The following PIK3R2 variants were observed in gnomAD, a reference collection of about 807,000 sequenced individuals.
The protein encoded by PIK3R2 is phosphoinositide-3-kinase regulatory subunit 2, also known as phosphatidylinositol 3-kinase regulatory subunit beta.
Under a neutral mutation model 78.5 loss-of-function variants are expected in PIK3R2, and 40 were observed. The ratio of observed to expected loss-of-function variants is 0.51; its 90% confidence interval spans 0.40 to 0.66. The LOEUF (loss-of-function observed/expected upper bound fraction) is 0.66. Among genes scored for constraint, PIK3R2 ranks in the 30% least tolerant of loss-of-function variants. The pLI is 0.00. For synonymous variants in PIK3R2, 473 were observed against 457.7 expected (o/e 1.03, Z -0.43); for missense variants, 880 against 1,026.6 (o/e 0.86, Z 1.95).
In PIK3R2 at chr19:18,161,469, G is replaced by A. The variant is rs2043745556; in HGVS notation, c.789G>A (p.Ser263=). The part of the protein sequence containing the change: ...LLLRAPPPPS[S]PPPGGAPDGS... ...TGCGCGCGCCGCCGCCGCCGTCCTC[G>A]CCGCCGCCAGGGGGCGCTCCCGACG... Residue 263 remains serine (S), a synonymous_variant, in exon 6 of 16, where the codon TCG becomes TCA. Transcript: ENST00000222254. The surrounding 1 kb of genome is among the most constrained non-coding windows in gnomAD (Gnocchi z 5.3). The A allele has an allele frequency of 8.4e-7, 1 of 1,189,416 alleles. No homozygotes were observed. Among genetic ancestry groups the A allele is most frequent in the Non-Finnish European group, 1.0e-6 (1 of 960,850 alleles). The allele number at this position is 1,189,416 out of a possible 1,614,324, so 73.7% of individuals were successfully genotyped here. A position where few individuals can be genotyped will look rare whatever the true frequency, so the allele number is the denominator to read the frequency against.
Position 18,162,260 on chromosome 19 carries a change from G to C in PIK3R2, c.960G>C (p.Gly320=). ...CCTCCACAGTCCTGGCCAATGGAGG[G>C]AGCCCACCCTCCCTGCAGGATGCTG... ...KPASTVLANG[G]SPPSLQDAEW... is the part of the protein sequence containing the mutation. Residue 320 remains glycine, a synonymous_variant, in exon 8 of 16, where the codon GGG becomes GGC. Transcript: ENST00000222254. 2.5e-6 allele frequency: 4 copies of C among 1,611,776 alleles called. No homozygotes were observed. The highest frequency in any genetic ancestry group is 3.4e-6 in the Non-Finnish European group (4 of 1,178,270).
chr19:18,166,048 A>G (rs2043806424), intron 11 of PIK3R2, 112 bp from the exon 12 acceptor site: 4 of 1,369,074 alleles, frequency 2.9e-6, no homozygotes, highest in Non-Finnish European at 4.2e-6. Flanking sequence ...TGACACTCTG[A>G]TAGAGGGACC....
At chr19:18,160,413 G>A in intron 2 of PIK3R2, 58 bp from the exon 3 acceptor site, 1 of 1,044,814 alleles carries the variant, frequency 9.6e-7, no homozygotes, top group South Asian at 1.3e-5. Context: ...GCAAAGAGAG[G>A]GGCTGGGCTC....
chr19:18,161,344 C>A lies in PIK3R2; in HGVS notation c.664C>A (p.Leu222Met). Residue 222 changes from leucine (L) to methionine (M), a missense_variant, in exon 6 of 16, where the codon CTG becomes ATG. Transcript: ENST00000222254. The surrounding 1 kb of genome is among the most constrained non-coding windows in gnomAD (Gnocchi z 5.3). ...PTLPLHRALT[L>M]RFLLQHLGRV... The stretch of plus-strand genomic sequence containing the variant: ...GCTGCCGCTGCACCGCGCGCTCACG[C>A]TGCGCTTCCTGCTCCAGCACCTGGG... 7.6e-7 allele frequency: 1 copy of A among 1,323,222 alleles called. No homozygotes were observed. 82.0% of individuals were successfully genotyped at this position (1,323,222 alleles called of 1,614,324 possible). A position where few individuals can be genotyped will look rare whatever the true frequency, so the allele number is the denominator to read the frequency against.
In PIK3R2 at chr19:18,161,190, G is replaced by A. The variant is rs1220678547; in HGVS notation, c.598+5G>A. 11 of 1,544,294 alleles carry A rather than the reference G, an allele frequency of 7.1e-6. No individual in the cohort carries two copies. The highest frequency in any genetic ancestry group is 8.7e-6 in the Non-Finnish European group (10 of 1,144,714). On this transcript the variant is annotated splice_donor_5th_base_variant and intron_variant, in intron 5 of 15. Coordinates refer to ENST00000222254, the MANE Select transcript of PIK3R2 (RefSeq NM_005027.4). This position sits in a 1 kb window ranked among gnomAD's most constrained non-coding sequence, Gnocchi z 5.3. Reference sequence around the variant, plus strand: ...AGGCGCGCCGGGCCCTGCGGGGTGAGCCTGGCGGGTAGCCCGGGGGAAGGA... The same window carrying A: ...AGGCGCGCCGGGCCCTGCGGGGTGAACCTGGCGGGTAGCCCGGGGGAAGGA...
rs918341800 is a variant in PIK3R2, at chr19:18,155,951, G to A, written c.72G>A (p.Glu24=). Residue 24 remains glutamate (E), a synonymous_variant, in exon 2 of 16, where the codon GAG becomes GAA. Transcript: ENST00000222254. ...PFRRERPEDL[E]LLPGDVLVVS... is the part of the protein sequence containing the mutation. Reference sequence around the variant, plus strand: ...GCCGGGAGCGGCCGGAGGACCTGGAGCTGCTGCCCGGCGACGTGCTGGTAG... The same window carrying A: ...GCCGGGAGCGGCCGGAGGACCTGGAACTGCTGCCCGGCGACGTGCTGGTAG... 23 of 1,570,166 alleles carry A rather than the reference G, an allele frequency of 1.5e-5. No individual in the cohort carries two copies. The highest frequency in any genetic ancestry group is 1.7e-5 in the Non-Finnish European group (20 of 1,158,202).
At position 18,168,420 on chromosome 19, in the gene PIK3R2, T is replaced by TGTGG. The variant is rs2043829870; in HGVS notation, c.1737-53_1737-50dup. 2.6e-6 allele frequency: 2 copies of TGTGG among 762,270 alleles called. No homozygotes were observed. The highest frequency in any genetic ancestry group is 2.8e-5 in the South Asian group (2 of 72,530). 47.2% of individuals were successfully genotyped at this position (762,270 alleles called of 1,614,324 possible). Reference sequence around the variant, plus strand: ...CCTGCCTCCCACCGGACAGGCCCACTGTGGGCTCAGCACCCACACAACTGC... The same window carrying TGTGG: ...CCTGCCTCCCACCGGACAGGCCCACTGTGGGTGGGCTCAGCACCCACACAACTGC... On this transcript the variant is annotated intron_variant, in intron 13 of 15. Coordinates refer to ENST00000222254, the MANE Select transcript of PIK3R2 (RefSeq NM_005027.4). This position sits in a 1 kb window ranked among gnomAD's most constrained non-coding sequence, Gnocchi z 4.1.
Position 18,162,309 on chromosome 19 carries a change from A to G in PIK3R2, c.1009A>G (p.Arg337Gly). Residue 337 changes from arginine (R) to glycine (G), a missense_variant and splice_region_variant, in exon 8 of 16, where the codon AGG becomes GGG. Arg to Gly is a moderately radical substitution (Grantham distance 125). Coordinates refer to ENST00000222254, the MANE Select transcript of PIK3R2 (RefSeq NM_005027.4). ...DAEWYWGDIS[R>G]EEVNEKLRDT... ...TGAGTGGTACTGGGGGGACATTTCA[A>G]GGTAGGTTGCTGGCAGGGGGCCAGG... 1.2e-6 allele frequency: 2 copies of G among 1,603,808 alleles called. No homozygotes were observed. The highest frequency in any genetic ancestry group is 1.1e-5 in the South Asian group (1 of 90,728).
In PIK3R2 at chr19:18,168,960, G is replaced by T; in HGVS notation, c.1979+64G>T. The T allele has an allele frequency of 1.3e-6, 2 of 1,559,940 alleles. No homozygotes were observed. Among genetic ancestry groups the T allele is most frequent in the Non-Finnish European group, 1.7e-6 (2 of 1,143,108 alleles). Reference sequence around the variant, plus strand: ...CCAGAGCTCTCATTGAATGCCTGCCGCGTGCCAGGCCTTGGGAAGGAGTCC... The same window carrying T: ...CCAGAGCTCTCATTGAATGCCTGCCTCGTGCCAGGCCTTGGGAAGGAGTCC... On this transcript the variant is annotated intron_variant, in intron 15 of 15. Coordinates refer to ENST00000222254, the MANE Select transcript of PIK3R2 (RefSeq NM_005027.4). The surrounding 1 kb of genome is among the most constrained non-coding windows in gnomAD (Gnocchi z 4.1).
chr19:18,166,456 A>G (rs2043811824), intron 12 of PIK3R2, among the ~76,000 whole-genome samples, 154 bp downstream of exon 12: 1 of 152,110 alleles, frequency 6.6e-6, no homozygotes, highest in African/African-American at 2.4e-5. Context: ...CAGGCCTGTA[A>G]TCCCAGCACT....
Position 18,169,268 on chromosome 19 carries a change from C to T in PIK3R2, c.2161C>T (p.Pro721Ser). 3 of 1,522,622 alleles carry T rather than the reference C, an allele frequency of 2.0e-6. No homozygotes were observed. Among genetic ancestry groups the T allele is most frequent in the Non-Finnish European group, 2.6e-6 (3 of 1,142,140 alleles). The allele number at this position is 1,522,622 out of a possible 1,614,324, so 94.3% of individuals were successfully genotyped here. ...TLAHPVRAPG[P>S]GPPPAAR Reference sequence around the variant, plus strand: ...GGCGCACCCAGTGCGCGCCCCGGGCCCCGGCCCGCCGCCTGCCGCCCGCTG... The same window carrying T: ...GGCGCACCCAGTGCGCGCCCCGGGCTCCGGCCCGCCGCCTGCCGCCCGCTG... The change falls in exon 16 of 16, where the codon CCC becomes TCC. Residue 721 changes from proline (P) to serine (S), a missense_variant. Pro to Ser is a moderately conservative substitution (Grantham distance 74). This residue lies in a region of PIK3R2 where 268 missense variants were observed against 299.1 expected (regional missense o/e 0.90). Transcript: ENST00000222254.
chr19:18,160,359 T>C, intron 2 of PIK3R2, 112 bp from the exon 3 acceptor site: 1 of 710,230 alleles, frequency 1.4e-6, no homozygotes, highest in Non-Finnish European at 2.5e-6. Flanking sequence ...AGCACTTGCC[T>C]GAGCTGGGCC....
chr19:18,169,886 C>T lies in PIK3R2; in HGVS notation c.*592C>T, dbSNP rs769120329. On this transcript the variant is annotated 3_prime_UTR_variant, in exon 16 of 16. Coordinates refer to ENST00000222254, the MANE Select transcript of PIK3R2 (RefSeq NM_005027.4). ...GGTTACCCCCACAAGGGGGCCGCTG[C>T]GAGAAGTTCACCCACCCCCGAAAAA... 2.7e-4 allele frequency: 54 copies of T among 198,652 alleles called. No individual in the cohort carries two copies. The highest frequency in any genetic ancestry group is 5.0e-4 in the Non-Finnish European group (48 of 95,752). The allele number at this position is 198,652 out of a possible 1,614,324, so 12.3% of individuals were successfully genotyped here. A position where few individuals can be genotyped will look rare whatever the true frequency, so the allele number is the denominator to read the frequency against.
chr19:18,167,898 C>T lies in PIK3R2; in HGVS notation c.1737-577C>T, dbSNP rs1389614632. Among the ~76,000 whole-genome samples the T allele has an allele frequency of 6.6e-6, 1 of 152,094 alleles. No individual in the cohort carries two copies. Among genetic ancestry groups the T allele is most frequent in the Non-Finnish European group, 1.5e-5 (1 of 68,004 alleles). On this transcript the variant is annotated intron_variant, in intron 13 of 15. Transcript: ENST00000222254. The surrounding 1 kb of genome is among the most constrained non-coding windows in gnomAD (Gnocchi z 4.5). ...AAGAAAAAAAAAATCGCCTGCTGTG[C>T]AACCTACCATGCTGGGTGGCTGCGG... is the stretch of plus-strand genomic sequence containing the variant.
At chr19:18,166,707 C>CA (rs34888009) in intron 12 of PIK3R2, among the ~76,000 whole-genome samples, 33,924 of 81,406 alleles carry the variant, frequency 0.42, 5,675 homozygotes, top group Non-Finnish European at 0.49. Flanking sequence ...AAGACTGTCT[C>CA]AAAAAAAAAA....
intron 11 of PIK3R2, among the ~76,000 whole-genome samples, chr19:18,164,635 G>GT (rs755335615): frequency 1.3e-4 from 17 of 131,050 alleles, no homozygotes; most frequent in South Asian, 6.9e-4. Context: ...TCTTTTTTTT[G>GT]TTTTGTTTTT....
chr19:18,153,801 C>A (rs1355574688), intron 1 of PIK3R2, among the ~76,000 whole-genome samples: 1 of 152,168 alleles, frequency 6.6e-6, no homozygotes, highest in Non-Finnish European at 1.5e-5. Context: ...GAGCGCTGCT[C>A]CCGGGGCGCG....
chr19:18,153,954 G>A (rs540525666), intron 1 of PIK3R2, among the ~76,000 whole-genome samples: 63 of 152,262 alleles, frequency 4.1e-4, no homozygotes, highest in African/African-American at 1.3e-3. Context: ...AGAATGTGGC[G>A]CCCCTCCGCC....
Position 18,161,087 on chromosome 19 carries a change from C to T in PIK3R2, c.500C>T (p.Thr167Met), listed in dbSNP as rs1176564195. The T allele has an allele frequency of 3.0e-5, 49 of 1,608,112 alleles. No homozygotes were observed. The highest frequency in any genetic ancestry group is 4.0e-5 in the Non-Finnish European group (47 of 1,177,964). Residue 167 changes from threonine to methionine, a missense_variant, in exon 5 of 16, where the codon ACG becomes ATG. Coordinates refer to ENST00000222254, the MANE Select transcript of PIK3R2 (RefSeq NM_005027.4). This position sits in a 1 kb window ranked among gnomAD's most constrained non-coding sequence, Gnocchi z 5.3. ...CTGAGCGACGTGGATCAGTGGGACA[C>T]GGCAGCCCTGGCTGACGGCATTAAG... ...WSLSDVDQWD[T>M]AALADGIKSF... is the part of the protein sequence containing the mutation.
Sources: allele counts gnomAD v4.1 joint callset (sites outside exome capture counted in the v4.1 genomes callset), GRCh38; gene constraint gnomAD v4.1.1; regional missense constraint gnomAD v4.1.1; non-coding constraint Gnocchi (gnomAD v3.1); transcripts MANE v1.5; gene names NCBI Gene and HGNC (gene_info 2026-07-23, HGNC 2026-07-21).